Variants in PGAP2 observed in about 807,000 individuals in gnomAD.
PGAP2 encodes acyltransferase PGAP2.
PGAP2 carries 21 observed loss-of-function variants against 33.2 expected under a neutral mutation model. That is an observed-to-expected ratio of 0.63 (90% confidence interval 0.45 to 0.91). The LOEUF (loss-of-function observed/expected upper bound fraction) is 0.91, where lower values mean the gene tolerates loss of function less well. PGAP2 is among the 40% of genes least tolerant of loss of function. The pLI is 0.00. For synonymous variants in PGAP2, 161 were observed against 172.9 expected, an observed-to-expected ratio of 0.93 and a Z score of 0.54; for missense variants, 345 against 424.0, an observed-to-expected ratio of 0.81 and a Z score of 1.64.
chr11:3,808,237 G>C (rs1019738143), upstream of PGAP2: 415 of 1,543,914 alleles, frequency 2.7e-4, no homozygotes, highest in Non-Finnish European at 5.4e-5. Flanking sequence ...CAGGAGAGAC[G>C]GGCGGATGAG....
rs567413495 is a variant in PGAP2 at position 3,812,650 on chromosome 11, T to C, written c.165+1226T>C. ...AGAGGCAGATTCTGCGCATGGACCA[T>C]TGGGGTCCCTCAGAGTTCTGAAGGC... is the stretch of plus-strand genomic sequence containing the variant. On this transcript the variant is annotated intron_variant, in intron 2 of 6. Coordinates refer to ENST00000278243, the MANE Select transcript of PGAP2 (RefSeq NM_014489.4). 4.1e-4 allele frequency among the ~76,000 whole-genome samples: 62 copies of C among 152,298 alleles called. No individual in the cohort carries two copies. The Middle Eastern group carries it at 0.01, about 25-fold the overall frequency.
chr11:3,799,976 A>C (rs1411681964), intron 1 of PGAP2, among the ~76,000 whole-genome samples: 2 of 152,198 alleles, frequency 1.3e-5, no homozygotes, highest in African/African-American at 4.8e-5. Context: ...TGGGGGAAAA[A>C]AAAGGTGGTG....
intron 3 of PGAP2, 162 bp downstream of exon 3, chr11:3,817,697 G>C: frequency 1.4e-6 from 1 of 707,286 alleles, no homozygotes; most frequent in Non-Finnish European, 2.6e-6. Context: ...TTCATGGGGG[G>C]AGACTCAGAG....
At position 3,808,644 on chromosome 11, in the gene PGAP2, C is replaced by A; in HGVS notation, c.-18C>A. On this transcript the variant is annotated 5_prime_UTR_variant, in exon 1 of 7. Transcript: ENST00000278243. Reference sequence around the variant, plus strand: ...GGTTCCGCCGGCACTCTCGCCACCACCGCGTGGGTGAGTATGGGCATGGAT... The same window carrying A: ...GGTTCCGCCGGCACTCTCGCCACCAACGCGTGGGTGAGTATGGGCATGGAT... 7.8e-7 allele frequency: 1 copy of A among 1,273,950 alleles called. No individual in the cohort carries two copies. Among genetic ancestry groups the A allele is most frequent in the Non-Finnish European group, 1.0e-6 (1 of 1,004,876 alleles). 78.9% of individuals were successfully genotyped at this position (1,273,950 alleles called of 1,614,324 possible). A position where few individuals can be genotyped will look rare whatever the true frequency, so the allele number is the denominator to read the frequency against.
At chr11:3,824,907 G>A (rs1221332732) in intron 5 of PGAP2, 113 bp from the exon 6 acceptor site, 8 of 1,526,244 alleles carry the variant, frequency 5.2e-6, no homozygotes, top group East Asian at 2.3e-5. Flanking sequence ...TTCCATGACC[G>A]CTAGTGGGAG....
chr11:3,808,217 AG>A, upstream of PGAP2: 1 of 1,515,954 alleles, frequency 6.6e-7, no homozygotes, highest in Non-Finnish European at 9.0e-7. Context: ...GTTAGAATGG[AG>A]GTGCGAGGCA....
At chr11:3,824,946 A>C in intron 5 of PGAP2, 74 bp from the exon 6 acceptor site, 1 of 1,601,296 alleles carries the variant, frequency 6.2e-7, no homozygotes, top group South Asian at 1.1e-5. Context: ...AGCCCTTAGG[A>C]GTTAGGGCTG....
At chr11:3,824,193 C>G in intron 4 of PGAP2, 58 bp downstream of exon 4, 1 of 1,612,582 alleles carries the variant, frequency 6.2e-7, no homozygotes, top group Non-Finnish European at 8.5e-7. Context: ...CGGGCCTGCC[C>G]CTACCACATT....
intron 3 of PGAP2, chr11:3,822,913 G>A (rs762665991): frequency 1.2e-5 from 18 of 1,517,782 alleles, no homozygotes; most frequent in Non-Finnish European, 3.6e-6. Context: ...CTTAAGGACT[G>A]AAGCTTCAAT....
At chr11:3,821,113 A>C (rs1240627752) in intron 3 of PGAP2, among the ~76,000 whole-genome samples, 3 of 152,072 alleles carry the variant, frequency 2.0e-5, no homozygotes, top group Non-Finnish European at 4.4e-5. Flanking sequence ...TCTCTCCCAG[A>C]GCTCTACATT....
intron 2 of PGAP2, among the ~76,000 whole-genome samples, chr11:3,812,484 A>G (rs1360727013): frequency 3.9e-5 from 6 of 152,160 alleles, no homozygotes; most frequent in Admixed American, 3.3e-4. Context: ...GGGCTAGTGT[A>G]GAGCTCTAGG....
chr11:3,801,356 A>G (rs2083414474), intron 1 of PGAP2, among the ~76,000 whole-genome samples: 1 of 151,868 alleles, frequency 6.6e-6, no homozygotes. Flanking sequence ...TTAAAAATGT[A>G]TCCCAGCCGG....
chr11:3,812,294 G>A (rs1311628198), intron 2 of PGAP2, among the ~76,000 whole-genome samples: 1 of 152,126 alleles, frequency 6.6e-6, no homozygotes, highest in Non-Finnish European at 1.5e-5. Context: ...CTGGGCATGG[G>A]GGTATGCACC....
Position 3,825,858 on chromosome 11 carries a change from CA to C in PGAP2, c.*401del. ...CACAGCCATTTCTCTGCACGGGGGTCATTCATAGGACTAATGTATTTCATGA... is the reference window on the plus strand; with the variant it reads ...CACAGCCATTTCTCTGCACGGGGGTCTTCATAGGACTAATGTATTTCATGA... On this transcript the variant is annotated 3_prime_UTR_variant, in exon 7 of 7. Coordinates refer to ENST00000278243, the MANE Select transcript of PGAP2 (RefSeq NM_014489.4). 1 of 194,668 alleles carries C rather than the reference CA, an allele frequency of 5.1e-6. No homozygotes were observed. Among genetic ancestry groups the C allele is most frequent in the South Asian group, 8.9e-5 (1 of 11,218 alleles). The allele number at this position is 194,668 out of a possible 1,614,324, so 12.1% of individuals were successfully genotyped here. A position where few individuals can be genotyped will look rare whatever the true frequency, so the allele number is the denominator to read the frequency against.
At chr11:3,816,786 C>T (rs1436916348) in intron 2 of PGAP2, among the ~76,000 whole-genome samples, 1 of 152,132 alleles carries the variant, frequency 6.6e-6, no homozygotes, top group Non-Finnish European at 1.5e-5. Context: ...CCTAGTTGAA[C>T]TTGGGTAAGG....
At chr11:3,822,931 C>T (rs1303396830) in intron 3 of PGAP2, 1 of 1,540,408 alleles carries the variant, frequency 6.5e-7, no homozygotes, top group South Asian at 1.2e-5. Context: ...AATAGGAGTT[C>T]CAGGCATTAA....
rs1289921762 is a variant in PGAP2 at position 3,808,617 on chromosome 11, C to A, written c.-45C>A. ...CCCGACCCCGGGCCACCTGGGCCCC[C>A]GGGTTCCGCCGGCACTCTCGCCACC... On this transcript the variant is annotated 5_prime_UTR_variant, in exon 1 of 7. Transcript: ENST00000278243. 1 of 1,309,826 alleles carries A rather than the reference C, an allele frequency of 7.6e-7. No individual in the cohort carries two copies. The highest frequency in any genetic ancestry group is 3.4e-5 in the East Asian group (1 of 29,780). The allele number at this position is 1,309,826 out of a possible 1,614,324, so 81.1% of individuals were successfully genotyped here. A position where few individuals can be genotyped will look rare whatever the true frequency, so the allele number is the denominator to read the frequency against.
upstream of PGAP2, among the ~76,000 whole-genome samples, chr11:3,806,223 A>G (rs1347922206): frequency 2.0e-5 from 3 of 152,038 alleles, no homozygotes; most frequent in African/African-American, 7.2e-5. Context: ...ATAGGGAACA[A>G]TAGCCAGGAG....
At chr11:3,818,458 A>G (rs2087685960) in intron 3 of PGAP2, among the ~76,000 whole-genome samples, 1 of 152,088 alleles carries the variant, frequency 6.6e-6, no homozygotes, top group African/African-American at 2.4e-5. Context: ...GGAAGCCAGG[A>G]CTGAGGAGGT....
Sources: allele counts gnomAD v4.1 joint callset (sites outside exome capture counted in the v4.1 genomes callset), GRCh38; gene constraint gnomAD v4.1.1; transcripts MANE v1.5; gene names NCBI Gene and HGNC (gene_info 2026-07-23, HGNC 2026-07-21).